SKAP1: variants seen among roughly 807,000 people sequenced by gnomAD.
SKAP1 encodes src kinase associated phosphoprotein 1.
SKAP1 carries 44 observed loss-of-function variants against 58.5 expected under a neutral mutation model. The observed-to-expected ratio is 0.75, with a 90% confidence interval of 0.59 to 0.97. The LOEUF (loss-of-function observed/expected upper bound fraction) is 0.97, where lower values mean the gene tolerates loss of function less well. Among genes scored for constraint, SKAP1 ranks in the 50% least tolerant of loss-of-function variants. The pLI, the probability that SKAP1 is intolerant of heterozygous loss-of-function variation, is 0.00. For synonymous variants in SKAP1, 127 were observed against 149.7 expected, an observed-to-expected ratio of 0.85 and a Z score of 1.11; for missense variants, 390 against 435.2, an observed-to-expected ratio of 0.90 and a Z score of 0.92.
At chr17:48,308,898 G>A (rs1219336572) in intron 4 of SKAP1, 2 of 151,996 alleles carry the variant, frequency 1.3e-5, no homozygotes, top group Non-Finnish European at 2.9e-5. Flanking sequence ...TATTATTATT[G>A]TTTATTTGAG....
intron 4 of SKAP1, among the ~76,000 whole-genome samples, chr17:48,214,884 T>C (rs1348925197): frequency 6.8e-6 from 1 of 147,058 alleles, no homozygotes; most frequent in African/African-American, 2.5e-5. Context: ...ATTGCGCCGC[T>C]GCACTCCAGC....
chr17:48,396,503 T>C (rs1363439980), intron 2 of SKAP1, among the ~76,000 whole-genome samples, 177 bp downstream of exon 2: 9 of 152,260 alleles, frequency 5.9e-5, no homozygotes, highest in Admixed American at 3.3e-4. Flanking sequence ...ATTTTTATTT[T>C]GGTAAACTAC....
At chr17:48,314,056 A>C (rs902000550) in intron 4 of SKAP1, among the ~76,000 whole-genome samples, 1 of 152,246 alleles carries the variant, frequency 6.6e-6, no homozygotes, top group African/African-American at 2.4e-5. Flanking sequence ...AATTCAAGTT[A>C]ATTTTTAAAA....
intron 4 of SKAP1, among the ~76,000 whole-genome samples, chr17:48,326,192 A>G (rs2066434830): frequency 1.3e-5 from 2 of 152,252 alleles, no homozygotes; most frequent in Non-Finnish European, 2.9e-5. Context: ...GGTAATGAAC[A>G]TCCTTGTACA....
At chr17:48,205,106 C>G (rs937008317) in intron 4 of SKAP1, among the ~76,000 whole-genome samples, 20 of 149,896 alleles carry the variant, frequency 1.3e-4, no homozygotes, top group African/African-American at 4.9e-4. Flanking sequence ...CTCTCTCTCT[C>G]TCTCTGTCTC....
chr17:48,377,899 T>C (rs1334743163), intron 2 of SKAP1, among the ~76,000 whole-genome samples: 1 of 152,224 alleles, frequency 6.6e-6, no homozygotes, highest in East Asian at 1.9e-4. Flanking sequence ...ATCATTACTC[T>C]TCTCTTTCAG....
intron 4 of SKAP1, among the ~76,000 whole-genome samples, chr17:48,234,947 A>G (rs984752457): frequency 3.1e-4 from 47 of 152,326 alleles, no homozygotes; most frequent in African/African-American, 1.1e-3. Flanking sequence ...TTGAGAATGG[A>G]GATCTCAATG....
intron 2 of SKAP1, among the ~76,000 whole-genome samples, chr17:48,392,874 TATA>T (rs1234505606): frequency 2.0e-4 from 30 of 148,524 alleles, no homozygotes; most frequent in African/African-American, 7.5e-4. Context: ...TATATATATA[TATA>T]TTTTTTTTTT....
chr17:48,369,178 T>A (rs1305608662), intron 2 of SKAP1, among the ~76,000 whole-genome samples: 2 of 145,284 alleles, frequency 1.4e-5, no homozygotes, highest in South Asian at 2.1e-4. Context: ...AATAAATAAA[T>A]ATAAAATAAA....
chr17:48,370,417 C>T (rs1050013429), intron 2 of SKAP1, among the ~76,000 whole-genome samples: 1 of 152,064 alleles, frequency 6.6e-6, no homozygotes, highest in Non-Finnish European at 1.5e-5. Flanking sequence ...GCAATCCTCC[C>T]CACCTCAGCC....
intron 4 of SKAP1, among the ~76,000 whole-genome samples, chr17:48,316,557 G>T (rs1466982918): frequency 6.6e-6 from 1 of 151,976 alleles, no homozygotes; most frequent in Admixed American, 6.6e-5. Context: ...ATTTACCATG[G>T]CTTGACATTA....
chr17:48,344,632 T>C (rs2144324269), intron 4 of SKAP1, among the ~76,000 whole-genome samples: 2 of 152,354 alleles, frequency 1.3e-5, no homozygotes, highest in South Asian at 4.1e-4. Flanking sequence ...GCTACCAATG[T>C]AATTATTAAA....
intron 1 of SKAP1, among the ~76,000 whole-genome samples, chr17:48,415,427 A>C (rs933157653): frequency 6.6e-6 from 1 of 152,106 alleles, no homozygotes; most frequent in Non-Finnish European, 1.5e-5. Flanking sequence ...AATTACAGAA[A>C]TGTCCATTCT....
rs62066409 is a variant in SKAP1 at position 48,162,618 on chromosome 17, G to C, written c.878-49C>G. 1.9e-5 allele frequency: 28 copies of C among 1,467,058 alleles called. No individual in the cohort carries two copies. The Admixed American group carries it at 2.1e-4, about 11-fold the overall frequency. 90.9% of individuals were successfully genotyped at this position (1,467,058 alleles called of 1,614,324 possible). ...AAGTTAAAAGGACTCTATTTTTTCCGAGGTACCCATGTTTTTGCTGCAAAT... is the reference window on the plus strand; with the variant it reads ...AAGTTAAAAGGACTCTATTTTTTCCCAGGTACCCATGTTTTTGCTGCAAAT... On this transcript the variant is annotated intron_variant, in intron 10 of 12. Coordinates refer to ENST00000336915, the MANE Select transcript of SKAP1 (RefSeq NM_003726.4).
intron 11 of SKAP1, among the ~76,000 whole-genome samples, chr17:48,160,261 C>T (rs976116706): frequency 6.6e-6 from 1 of 152,044 alleles, no homozygotes; most frequent in Non-Finnish European, 1.5e-5. Flanking sequence ...TCCAGAGTAG[C>T]TGAGACTACA....
intron 2 of SKAP1, among the ~76,000 whole-genome samples, chr17:48,369,872 T>C (rs1351882804): frequency 2.0e-5 from 3 of 152,204 alleles, no homozygotes; most frequent in Non-Finnish European, 4.4e-5. Context: ...CTTGAAAATA[T>C]AATCTAACAA....
At chr17:48,443,674 C>G in the SKAP1 span, among the ~76,000 whole-genome samples, 1 of 152,160 alleles carries the variant, frequency 6.6e-6, no homozygotes, top group Non-Finnish European at 1.5e-5. Flanking sequence ...CAGGGTTTCT[C>G]CATGTTGGCC....
At chr17:48,204,194 A>C (rs965297528) in intron 4 of SKAP1, 5 of 151,648 alleles carry the variant, frequency 3.3e-5, no homozygotes, top group African/African-American at 9.7e-5. Flanking sequence ...TCCCGCGCTC[A>C]AACGATTCTC....
At chr17:48,409,358 T>C (rs2067632017) in intron 1 of SKAP1, among the ~76,000 whole-genome samples, 1 of 152,122 alleles carries the variant, frequency 6.6e-6, no homozygotes, top group Admixed American at 6.5e-5. Context: ...CCCTGGAATA[T>C]TATTCAGCAT....
Sources: gnomAD v4.1 joint callset for allele counts (sites outside exome capture counted in the v4.1 genomes callset) on GRCh38, gnomAD v4.1.1 for gene constraint, MANE v1.5 for transcripts, NCBI Gene and HGNC (gene_info 2026-07-23, HGNC 2026-07-21) for gene names.